The following SPATS2 variants were observed in gnomAD, a reference collection of about 807,000 sequenced individuals.
The protein encoded by SPATS2 is spermatogenesis-associated serine-rich protein 2.
Under a neutral mutation model 63.7 loss-of-function variants are expected in SPATS2, and 38 were observed. The ratio of observed to expected loss-of-function variants is 0.60; its 90% CI spans 0.46 to 0.78. The LOEUF (loss-of-function observed/expected upper bound fraction) is 0.78. Ranked by LOEUF, SPATS2 falls within the 30% of genes least tolerant of loss-of-function variation. The pLI is 0.00. For missense variants in SPATS2, 588 were observed against 666.2 expected (o/e 0.88, Z 1.29); for synonymous variants, 207 against 232.9 (o/e 0.89, Z 1.01).
intron 2 of SPATS2, among the ~76,000 whole-genome samples, chr12:49,433,276 C>T (rs2137493496): frequency 6.6e-6 from 1 of 152,328 alleles, no homozygotes; most frequent in Admixed American, 6.5e-5. Flanking sequence ...GATTCTCCTG[C>T]TTCAGGCTCC....
intron 2 of SPATS2, among the ~76,000 whole-genome samples, chr12:49,394,223 G>A (rs982277018): frequency 1.3e-5 from 2 of 151,624 alleles, no homozygotes; most frequent in Admixed American, 6.6e-5. Flanking sequence ...CTGCAGTCGC[G>A]GCTACTTGGG....
intron 2 of SPATS2, among the ~76,000 whole-genome samples, chr12:49,392,415 A>C (rs1166577766): frequency 1.3e-5 from 2 of 152,204 alleles, no homozygotes; most frequent in African/African-American, 4.8e-5. Context: ...ACCTTAAACC[A>C]TGCTTACTGT....
chr12:49,449,772 A>G (rs1351521303), intron 2 of SPATS2, among the ~76,000 whole-genome samples: 1 of 152,196 alleles, frequency 6.6e-6, no homozygotes, highest in African/African-American at 2.4e-5. Context: ...TGAGAACAGT[A>G]TTGGGGAAAC....
At chr12:49,368,062 G>A (rs774881752) in intron 1 of SPATS2, among the ~76,000 whole-genome samples, 15 of 152,146 alleles carry the variant, frequency 9.9e-5, no homozygotes, top group Non-Finnish European at 1.6e-4. Context: ...GGAATTGAAG[G>A]GGGAGACGAA....
At chr12:49,505,640 G>A (rs1242586578) in intron 9 of SPATS2, among the ~76,000 whole-genome samples, 1 of 152,064 alleles carries the variant, frequency 6.6e-6, no homozygotes, top group Non-Finnish European at 1.5e-5. Flanking sequence ...AATAACATAT[G>A]AAGAATATTT....
chr12:49,422,987 A>G (rs553747230), intron 2 of SPATS2, among the ~76,000 whole-genome samples: 67 of 152,048 alleles, frequency 4.4e-4, no homozygotes, highest in African/African-American at 1.5e-3. Flanking sequence ...TTACCTTTGT[A>G]TGTTGCTCCT....
intron 4 of SPATS2, among the ~76,000 whole-genome samples, chr12:49,487,328 T>C (rs1946312209): frequency 6.6e-6 from 1 of 152,046 alleles, no homozygotes; most frequent in Non-Finnish European, 1.5e-5. Context: ...CTATCTGTAC[T>C]AAAAATACAA....
In SPATS2 at chr12:49,418,410, C is replaced by T. The variant is rs1001109374; in HGVS notation, c.-243-42360C>T. ...CACCTCCCAGGTTCAAGGGATTCTC[C>T]GGTCTTAGCCTCCCTAGTAGCTGGG... On this transcript the variant is annotated intron_variant, in intron 2 of 13. Coordinates refer to ENST00000552918, the MANE Select transcript of SPATS2 (RefSeq NM_023071.4). Among the ~76,000 whole-genome samples, 35 of 152,122 alleles carry T rather than the reference C, an allele frequency of 2.3e-4. 1 individual carries two copies. Among genetic ancestry groups the T allele is most frequent in the Admixed American group, 1.7e-3 (26 of 15,260 alleles).
Position 49,524,734 on chromosome 12 carries a change from A to C in SPATS2, c.1164A>C (p.Thr388=), listed in dbSNP as rs145928596. 6.9e-5 allele frequency: 111 copies of C among 1,614,062 alleles called. No individual in the cohort carries two copies. Among genetic ancestry groups the C allele is most frequent in the Non-Finnish European group, 8.8e-5 (104 of 1,180,046 alleles). Residue 388 remains threonine (T), a synonymous_variant, in exon 13 of 14, where the codon ACA becomes ACC. Coordinates refer to ENST00000552918, the MANE Select transcript of SPATS2 (RefSeq NM_023071.4). ...YSTRSRCSSV[T]SVSLSSPSDA... is the part of the protein sequence containing the mutation. ...CCAGATCCCGATGTAGCTCAGTTACATCTGTGTCCTTGAGTAGCCCAAGTG... is the reference window on the plus strand; with the variant it reads ...CCAGATCCCGATGTAGCTCAGTTACCTCTGTGTCCTTGAGTAGCCCAAGTG...
At chr12:49,518,497 A>C (rs1243248885) in intron 10 of SPATS2, among the ~76,000 whole-genome samples, 4 of 152,220 alleles carry the variant, frequency 2.6e-5, no homozygotes, top group Admixed American at 1.3e-4. Context: ...AAACAGAATG[A>C]AGGTGATCCA....
intron 2 of SPATS2, among the ~76,000 whole-genome samples, chr12:49,402,516 G>A (rs182573361): frequency 7.7e-4 from 117 of 152,290 alleles, no homozygotes; most frequent in Non-Finnish European, 1.3e-3. Context: ...ACAAGGTCTA[G>A]GGTATTGACT....
intron 2 of SPATS2, among the ~76,000 whole-genome samples, chr12:49,420,265 T>TA (rs778513880): frequency 2.0e-5 from 3 of 152,190 alleles, no homozygotes; most frequent in African/African-American, 7.2e-5. Flanking sequence ...TGTTAAGGGA[T>TA]TAAAAAACAG....
chr12:49,390,067 C>G, intron 2 of SPATS2: 5 of 1,156,942 alleles, frequency 4.3e-6, no homozygotes, highest in Non-Finnish European at 6.5e-6. Context: ...ATAAATAACT[C>G]GAGAATCACT....
intron 2 of SPATS2, among the ~76,000 whole-genome samples, chr12:49,395,534 C>T (rs1398173668): frequency 6.6e-6 from 1 of 151,878 alleles, no homozygotes; most frequent in African/African-American, 2.4e-5. Flanking sequence ...AAGTGATTCT[C>T]CCGCCTCAGC....
chr12:49,498,132 C>CAAAAAAAA lies in SPATS2; in HGVS notation c.703+1130_703+1137dup, dbSNP rs71439501. ...CAGGTTTGAGACTATCCAATCAAGC[C>CAAAAAAAA]AAAAAAAAAAAAAATATATATATAT... On this transcript the variant is annotated intron_variant, in intron 8 of 13. Coordinates refer to ENST00000552918, the MANE Select transcript of SPATS2 (RefSeq NM_023071.4). Among the ~76,000 whole-genome samples the CAAAAAAAA allele has an allele frequency of 3.8e-4, 44 of 117,292 alleles. No individual in the cohort carries two copies. In the Middle Eastern group the frequency reaches 0.021, roughly 57 times the overall value. 76.9% of individuals were successfully genotyped at this position (117,292 alleles called of 152,430 possible).
intron 11 of SPATS2, 121 bp from the exon 12 acceptor site, chr12:49,522,630 T>A (rs1046653067): frequency 2.8e-6 from 2 of 721,462 alleles, no homozygotes; most frequent in African/African-American, 3.6e-5. Context: ...TGATGGCCAT[T>A]TAATAAACTT....
At position 49,500,089 on chromosome 12, in the gene SPATS2, T is replaced by C. The variant is rs1217835468; in HGVS notation, c.723T>C (p.Ser241=). ...CCCAAGGTTCCAATATTGAAAAATC[T>C]GTAAAAGACCTCCAGCGCTGCACAG... The part of the protein sequence containing the change: ...SKKLSSNIEK[S]VKDLQRCTVS... The change falls in exon 9 of 14, where the codon TCT becomes TCC. Residue 241 remains serine, a synonymous_variant. Coordinates refer to ENST00000552918, the MANE Select transcript of SPATS2 (RefSeq NM_023071.4). 3.4e-6 allele frequency: 5 copies of C among 1,483,486 alleles called. No homozygotes were observed. The highest frequency in any genetic ancestry group is 3.6e-6 in the Non-Finnish European group (4 of 1,118,720). The allele number at this position is 1,483,486 out of a possible 1,614,324, so 91.9% of individuals were successfully genotyped here. A position where few individuals can be genotyped will look rare whatever the true frequency, so the allele number is the denominator to read the frequency against.
intron 2 of SPATS2, among the ~76,000 whole-genome samples, chr12:49,429,615 T>G (rs989609716): frequency 6.9e-6 from 1 of 145,158 alleles, no homozygotes. Flanking sequence ...ACCCAGCTAA[T>G]TTTTGTATTT....
intron 9 of SPATS2, among the ~76,000 whole-genome samples, chr12:49,509,725 G>A (rs1291335369): frequency 6.6e-6 from 1 of 150,458 alleles, no homozygotes; most frequent in Non-Finnish European, 1.5e-5. Flanking sequence ...GCTGAGGCAC[G>A]AGAATCGCTT....
Sources: allele counts gnomAD v4.1 joint callset (sites outside exome capture counted in the v4.1 genomes callset), GRCh38; gene constraint gnomAD v4.1.1; transcripts MANE v1.5; gene names NCBI Gene and HGNC (gene_info 2026-07-23, HGNC 2026-07-21).